The following SHISA9 variants were observed in gnomAD, a reference collection of about 807,000 sequenced individuals.
SHISA9 encodes the protein protein shisa-9.
SHISA9 carries 13 observed loss-of-function variants against 38.0 expected under a neutral mutation model. The observed-to-expected ratio is 0.34, with a 90% confidence interval of 0.22 to 0.54. SHISA9 has a LOEUF of 0.54. Among genes scored for constraint, SHISA9 ranks in the 20% least tolerant of loss-of-function variants. The probability of loss-of-function intolerance (pLI) is 0.91; values close to 1 mark genes in which losing one functional copy is unlikely to be tolerated. For synonymous variants in SHISA9, 275 were observed against 242.0 expected (o/e 1.14, Z -1.27); for missense variants, 538 against 575.8 (o/e 0.93, Z 0.67).
At chr16:13,206,244 A>G (rs1461215669) in intron 3 of SHISA9, among the ~76,000 whole-genome samples, 4 of 152,092 alleles carry the variant, frequency 2.6e-5, no homozygotes, top group Non-Finnish European at 5.9e-5. Context: ...CTATTCTCAC[A>G]TAGTTTTGGT....
At chr16:13,207,792 G>C (rs1368177280) in intron 3 of SHISA9, among the ~76,000 whole-genome samples, 1 of 152,160 alleles carries the variant, frequency 6.6e-6, no homozygotes, top group Non-Finnish European at 1.5e-5. Flanking sequence ...CTTTGTTAAA[G>C]CATAATGTGA....
At chr16:13,105,890 G>A (rs1225606735) in intron 2 of SHISA9, among the ~76,000 whole-genome samples, 1 of 152,130 alleles carries the variant, frequency 6.6e-6, no homozygotes, top group Non-Finnish European at 1.5e-5. Flanking sequence ...ATGATTTATT[G>A]GCACTTGAAG....
chr16:13,096,680 G>T (rs1337575005), intron 2 of SHISA9, among the ~76,000 whole-genome samples: 1 of 152,204 alleles, frequency 6.6e-6, no homozygotes, highest in Non-Finnish European at 1.5e-5. Flanking sequence ...AGTCAAGGCA[G>T]AGTCTATCTT....
chr16:13,257,532 C>A, the SHISA9 span, among the ~76,000 whole-genome samples: 8 of 152,164 alleles, frequency 5.3e-5, no homozygotes, highest in African/African-American at 1.9e-4. Flanking sequence ...CTATGTGAGG[C>A]TTTACCTTTT....
intron 2 of SHISA9, among the ~76,000 whole-genome samples, chr16:13,115,846 CACTG>C (rs972506163): frequency 1.3e-5 from 2 of 152,244 alleles, no homozygotes; most frequent in African/African-American, 4.8e-5. Context: ...TTCCTTCCAA[CACTG>C]ACTATCTTAT....
chr16:13,164,542 G>A lies in SHISA9; in HGVS notation c.692-38852G>A, dbSNP rs115211250. 3.8e-3 allele frequency among the ~76,000 whole-genome samples: 575 copies of A among 152,072 alleles called. 3 individuals are homozygous for A. Among genetic ancestry groups the A allele is most frequent in the African/African-American group, 0.012 (513 of 41,514 alleles). On this transcript the variant is annotated intron_variant, in intron 2 of 4. Coordinates refer to ENST00000558583, the MANE Select transcript of SHISA9 (RefSeq NM_001145204.3). ...TCATCAATGTTTTGGAAAAGGTTTTGTAAAATTAATATTATTTCTTCCTTA... is the reference window on the plus strand; with the variant it reads ...TCATCAATGTTTTGGAAAAGGTTTTATAAAATTAATATTATTTCTTCCTTA...
intron 2 of SHISA9, among the ~76,000 whole-genome samples, chr16:13,090,908 T>C (rs1367735958): frequency 6.6e-6 from 1 of 152,246 alleles, no homozygotes; most frequent in Non-Finnish European, 1.5e-5. Flanking sequence ...CTTTACAACT[T>C]GGCATGTTTT....
At chr16:13,374,033 T>A in the SHISA9 span, among the ~76,000 whole-genome samples, 1 of 152,170 alleles carries the variant, frequency 6.6e-6, no homozygotes, top group African/African-American at 2.4e-5. Flanking sequence ...GAGACATGAA[T>A]CATGATGCAG....
At chr16:13,505,398 G>A in the SHISA9 span, among the ~76,000 whole-genome samples, 2 of 152,108 alleles carry the variant, frequency 1.3e-5, no homozygotes, top group Non-Finnish European at 1.5e-5. Flanking sequence ...AAAGAAAGCT[G>A]GTCTTTCATC....
At chr16:13,071,638 C>T (rs2073519819) in intron 2 of SHISA9, among the ~76,000 whole-genome samples, 1 of 148,866 alleles carries the variant, frequency 6.7e-6, no homozygotes, top group African/African-American at 2.5e-5. Flanking sequence ...CTCCTTCCTT[C>T]CCTCCTTCCT....
intron 2 of SHISA9, among the ~76,000 whole-genome samples, chr16:12,989,809 G>A (rs2072360966): frequency 6.6e-6 from 1 of 152,064 alleles, no homozygotes; most frequent in African/African-American, 2.4e-5. Context: ...AGGGGTCCAT[G>A]TGTAGGATGT....
chr16:13,431,226 A>C, the SHISA9 span, among the ~76,000 whole-genome samples: 1 of 152,178 alleles, frequency 6.6e-6, no homozygotes, highest in African/African-American at 2.4e-5. Flanking sequence ...CTTTTTCTCC[A>C]ACTAAATGGT....
At chr16:13,172,057 C>T (rs1433684501) in intron 2 of SHISA9, among the ~76,000 whole-genome samples, 1 of 152,106 alleles carries the variant, frequency 6.6e-6, no homozygotes, top group Non-Finnish European at 1.5e-5. Flanking sequence ...TCCTTCCCTT[C>T]CTTTCCCCCC....
At chr16:13,313,667 T>A in the SHISA9 span, among the ~76,000 whole-genome samples, 1 of 152,106 alleles carries the variant, frequency 6.6e-6, no homozygotes, top group Non-Finnish European at 1.5e-5. Flanking sequence ...CATAGAAAAA[T>A]ATTTCTAATT....
At chr16:13,177,470 G>A (rs527475013) in intron 2 of SHISA9, among the ~76,000 whole-genome samples, 1 of 152,244 alleles carries the variant, frequency 6.6e-6, no homozygotes, top group South Asian at 2.1e-4. Flanking sequence ...AAAACATTCA[G>A]TTCTTCATAA....
the SHISA9 span, among the ~76,000 whole-genome samples, chr16:13,299,391 G>T: frequency 1.3e-5 from 2 of 152,080 alleles, no homozygotes; most frequent in African/African-American, 4.8e-5. Flanking sequence ...TATGTAACTT[G>T]CTTAAAGTCG....
chr16:13,170,202 CAAA>C (rs71147788), intron 2 of SHISA9, among the ~76,000 whole-genome samples: 9 of 91,980 alleles, frequency 9.8e-5, no homozygotes, highest in Admixed American at 3.3e-4. Flanking sequence ...GACTCCATCT[CAAA>C]AAAAAAAAAA....
chr16:13,221,434 T>C (rs2051224370), intron 4 of SHISA9, among the ~76,000 whole-genome samples: 1 of 121,982 alleles, frequency 8.2e-6, no homozygotes, highest in Admixed American at 9.7e-5. Context: ...GAGAAATACC[T>C]GGACTTTTTT....
chr16:13,294,383 C>A, the SHISA9 span, among the ~76,000 whole-genome samples: 2 of 152,162 alleles, frequency 1.3e-5, no homozygotes, highest in African/African-American at 4.8e-5. Context: ...GCTGAAGAAG[C>A]CCTGCTTCGT....
Sources: gnomAD v4.1 joint callset for allele counts (sites outside exome capture counted in the v4.1 genomes callset) on GRCh38, gnomAD v4.1.1 for gene constraint, MANE v1.5 for transcripts, NCBI Gene and HGNC (gene_info 2026-07-23, HGNC 2026-07-21) for gene names.